The following PCIF1 variants were observed in gnomAD, a reference collection of about 807,000 sequenced individuals.
PCIF1 encodes phosphorylated CTD interacting factor 1.
Under a neutral mutation model 86.9 loss-of-function variants are expected in PCIF1, and 12 were observed. The observed-to-expected ratio is 0.14, with a 90% CI of 0.09 to 0.22. The LOEUF is 0.22. Ranked by LOEUF, PCIF1 falls within the 10% of genes least tolerant of loss-of-function variation. The pLI, the probability that PCIF1 is intolerant of heterozygous loss-of-function variation, is 1.00. For synonymous variants in PCIF1, 397 were observed against 372.0 expected (o/e 1.07, Z -0.77); for missense variants, 701 against 951.1 (o/e 0.74, Z 3.46).
intron 1 of PCIF1, among the ~76,000 whole-genome samples, chr20:45,936,549 G>A (rs1269758214): frequency 1.3e-5 from 2 of 151,668 alleles, no homozygotes; most frequent in Non-Finnish European, 2.9e-5. Context: ...ACAGTGGCAT[G>A]ATCATACTTC....
rs751214275 is a variant in PCIF1, at chr20:45,943,451, A to G, written c.905+28A>G. On this transcript the variant is annotated intron_variant, in intron 9 of 16. Transcript: ENST00000372409. This position sits in a 1 kb window ranked among gnomAD's most constrained non-coding sequence, Gnocchi z 5.5. ...TTGCCTGTCTTCTGCCCCAGGCGAG[A>G]TGGGTCTGTGATTAAAGTGGCAGGT... 1 of 1,600,282 alleles carries G rather than the reference A, an allele frequency of 6.2e-7. No individual in the cohort carries two copies. Among genetic ancestry groups the G allele is most frequent in the Non-Finnish European group, 8.5e-7 (1 of 1,171,084 alleles).
Position 45,947,134 on chromosome 20 carries a change from G to C in PCIF1, c.1675G>C (p.Glu559Gln). 1.9e-6 allele frequency: 3 copies of C among 1,613,558 alleles called. No homozygotes were observed. The highest frequency in any genetic ancestry group is 2.5e-6 in the Non-Finnish European group (3 of 1,179,574). Residue 559 changes from glutamate (E) to glutamine (Q), a missense_variant, in exon 15 of 17, where the codon GAG (glutamate) becomes CAG (glutamine). Coordinates refer to ENST00000372409, the MANE Select transcript of PCIF1 (RefSeq NM_022104.4). The surrounding 1 kb of genome is among the most constrained non-coding windows in gnomAD (Gnocchi z 5.4). The stretch of plus-strand genomic sequence containing the variant: ...TGAGGCCAACCCTCCCTTCTGCGAG[G>C]AGCTCATGGATGCCATGGTCTCTCA... Reference protein sequence around the residue: ...SFEANPPFCEELMDAMVSHFE... With the variant: ...SFEANPPFCEQLMDAMVSHFE...
rs144795164 is a variant in PCIF1, at chr20:45,940,897, C to A, written c.476C>A (p.Ser159Tyr). ...GTPTLKMWGT[S>Y]PEDKQQAALL... ...CCAACGCTGAAGATGTGGGGTACGT[C>A]CCCTGAAGATAAACAGCAGGCAGCT... Residue 159 changes from serine (S) to tyrosine (Y), a missense_variant, in exon 6 of 17, where the codon TCC (serine) becomes TAC (tyrosine). By Grantham distance (144) the Ser-to-Tyr change is moderately radical. Transcript: ENST00000372409. 20 of 1,614,166 alleles carry A rather than the reference C, an allele frequency of 1.2e-5. No individual in the cohort carries two copies. In the Admixed American group the frequency reaches 2.2e-4, roughly 17 times the overall value.
At chr20:45,939,425 T>A in intron 4 of PCIF1, 86 bp downstream of exon 4, 1 of 1,571,170 alleles carries the variant, frequency 6.4e-7, no homozygotes, top group South Asian at 1.1e-5. Context: ...AGCCGTTCAG[T>A]GCCCAGCCCT....
Position 45,947,124 on chromosome 20 carries a change from C to G in PCIF1, c.1665C>G (p.Pro555=). Residue 555 remains proline (P), a synonymous_variant, in exon 15 of 17, where the codon CCC becomes CCG. Coordinates refer to ENST00000372409, the MANE Select transcript of PCIF1 (RefSeq NM_022104.4). The surrounding 1 kb of genome is among the most constrained non-coding windows in gnomAD (Gnocchi z 5.4). ...PLSGSFEANP[P]FCEELMDAMV... Reference sequence around the variant, plus strand: ...GTGGTTCATTTGAGGCCAACCCTCCCTTCTGCGAGGAGCTCATGGATGCCA... The same window carrying G: ...GTGGTTCATTTGAGGCCAACCCTCCGTTCTGCGAGGAGCTCATGGATGCCA... 1.2e-6 allele frequency: 2 copies of G among 1,613,742 alleles called. No individual in the cohort carries two copies. Among genetic ancestry groups the G allele is most frequent in the Non-Finnish European group, 1.7e-6 (2 of 1,179,680 alleles).
chr20:45,944,452 C>G (rs2083503143), intron 10 of PCIF1, among the ~76,000 whole-genome samples: 2 of 152,222 alleles, frequency 1.3e-5, no homozygotes, highest in Non-Finnish European at 2.9e-5. Context: ...CTGCAGCAAC[C>G]AAGCACCCTG....
chr20:45,943,811 C>T lies in PCIF1; in HGVS notation c.1005+46C>T, dbSNP rs1437528959. ...GAAGGCCAGTTTTAGGGCTCTGTGG[C>T]CACTTCCTCCAGGAAGCCTACTCTG... On this transcript the variant is annotated intron_variant, in intron 10 of 16. Coordinates refer to ENST00000372409, the MANE Select transcript of PCIF1 (RefSeq NM_022104.4). This position sits in a 1 kb window ranked among gnomAD's most constrained non-coding sequence, Gnocchi z 5.5. 1.4e-6 allele frequency: 2 copies of T among 1,478,808 alleles called. No homozygotes were observed. Among genetic ancestry groups the T allele is most frequent in the Admixed American group, 4.0e-5 (2 of 50,470 alleles). 91.6% of individuals were successfully genotyped at this position (1,478,808 alleles called of 1,614,324 possible).
rs757251818 is a variant in PCIF1, at chr20:45,947,277, C to T, written c.1722C>T (p.Ser574=). The T allele has an allele frequency of 7.4e-6, 12 of 1,612,350 alleles. No homozygotes were observed. The East Asian group carries it at 2.5e-4, about 33-fold the overall frequency. ...MVSHFERLLE[S]SPEPLSFIVF... ...CCCTTCCACAGAGACTGCTTGAGAG[C>T]TCACCGGAGCCCCTGTCCTTCATCG... The change falls in exon 16 of 17, where the codon AGC becomes AGT. Residue 574 remains serine (S), a synonymous_variant. Transcript: ENST00000372409. The surrounding 1 kb of genome is among the most constrained non-coding windows in gnomAD (Gnocchi z 5.4).
chr20:45,944,674 T>G (rs1248601205), intron 10 of PCIF1, among the ~76,000 whole-genome samples, 194 bp from the exon 11 acceptor site: 1 of 152,252 alleles, frequency 6.6e-6, no homozygotes, highest in African/African-American at 2.4e-5. Context: ...CTGTTAGGTA[T>G]CTCGTGTCCC....
In PCIF1 at chr20:45,945,627, T is replaced by A. The variant is rs2083517148; in HGVS notation, c.1169-84T>A. On this transcript the variant is annotated intron_variant, in intron 11 of 16. Transcript: ENST00000372409. ...ACTGATCTGTGGAATGGGACTTCCC[T>A]CTCTCGGTACAAAGCATGTGGCCCA... The A allele has an allele frequency of 3.3e-6, 5 of 1,499,750 alleles. No homozygotes were observed. The Admixed American group carries it at 9.5e-5, about 28-fold the overall frequency. 92.9% of individuals were successfully genotyped at this position (1,499,750 alleles called of 1,614,324 possible).
chr20:45,943,559 A>G lies in PCIF1; in HGVS notation c.906-107A>G. 2 of 1,354,906 alleles carry G rather than the reference A, an allele frequency of 1.5e-6. No homozygotes were observed. The highest frequency in any genetic ancestry group is 1.4e-5 in the African/African-American group (1 of 69,118). The allele number at this position is 1,354,906 out of a possible 1,614,324, so 83.9% of individuals were successfully genotyped here. ...GGGGCCAGCTCCCAAAGGCAGAACA[A>G]GGGCTGTGATGGAAGCTAGGGGTTG... On this transcript the variant is annotated intron_variant, in intron 9 of 16. Transcript: ENST00000372409. This position sits in a 1 kb window ranked among gnomAD's most constrained non-coding sequence, Gnocchi z 5.5.
chr20:45,935,546 G>A (rs1256283316), intron 1 of PCIF1, among the ~76,000 whole-genome samples: 5 of 152,182 alleles, frequency 3.3e-5, no homozygotes, highest in Admixed American at 2.0e-4. Context: ...AGTGATTCCG[G>A]TTTATAAGCC....
Position 45,940,607 on chromosome 20 carries a change from C to G in PCIF1, c.382C>G (p.Pro128Ala), listed in dbSNP as rs1339529960. ...EQPSGNGVKK[P>A]KIEIPVTPTG... The stretch of plus-strand genomic sequence containing the variant: ...GCCAAGCGGCAATGGTGTGAAGAAG[C>G]CCAAGGTGAGTGTCTGTGGCCAGGA... Residue 128 changes from proline (P) to alanine (A), a missense_variant, in exon 5 of 17, where the codon CCC (proline) becomes GCC (alanine). By Grantham distance (27) the Pro-to-Ala change is conservative (BLOSUM62 -1). Around this residue, in one of 7 missense-constraint regions of PCIF1, gnomAD observed 125 missense variants for 126.8 expected, o/e 0.99. Coordinates refer to ENST00000372409, the MANE Select transcript of PCIF1 (RefSeq NM_022104.4). The G allele has an allele frequency of 1.9e-6, 3 of 1,611,168 alleles. No homozygotes were observed. Among genetic ancestry groups the G allele is most frequent in the Non-Finnish European group, 2.5e-6 (3 of 1,178,456 alleles).
intron 5 of PCIF1, 56 bp from the exon 6 acceptor site, chr20:45,940,753 G>A: frequency 6.2e-7 from 1 of 1,600,710 alleles, no homozygotes; most frequent in Non-Finnish European, 8.5e-7. Flanking sequence ...CACTGTATTG[G>A]ATGGAGCCTC....
rs1391834561 is a variant in PCIF1, at chr20:45,946,337, G to A, written c.1566G>A (p.Gln522=). ...CACCCCTCAACTGCTACTTCCGCCA[G>A]TACTGTTCTGCCTTCCCCGACACAG... The part of the protein sequence containing the change: ...FASPLNCYFR[Q]YCSAFPDTDG... The change falls in exon 14 of 17, where the codon CAG becomes CAA. Residue 522 remains glutamine (Q), a synonymous_variant. Coordinates refer to ENST00000372409, the MANE Select transcript of PCIF1 (RefSeq NM_022104.4). 1 of 1,614,058 alleles carries A rather than the reference G, an allele frequency of 6.2e-7. No individual in the cohort carries two copies.
In PCIF1 at chr20:45,940,921, C is replaced by T; in HGVS notation, c.500C>T (p.Ala167Val). ...TCCCCTGAAGATAAACAGCAGGCAG[C>T]TCTCCTACGACCCACTGAGTGAGTC... ...GTSPEDKQQA[A>V]LLRPTEVYWD... is the part of the protein sequence containing the mutation. The change falls in exon 6 of 17, where the codon GCT becomes GTT. Residue 167 changes from alanine (A) to valine (V), a missense_variant. Physicochemically the swap from Ala to Val is moderately conservative, Grantham distance 64 (BLOSUM62 0). Transcript: ENST00000372409. 6.2e-7 allele frequency: 1 copy of T among 1,614,166 alleles called. No homozygotes were observed. Among genetic ancestry groups the T allele is most frequent in the East Asian group, 2.2e-5 (1 of 44,888 alleles).
At chr20:45,946,512 A>G (rs1296806705) in intron 14 of PCIF1, 128 bp downstream of exon 14, 5 of 1,147,850 alleles carry the variant, frequency 4.4e-6, no homozygotes, top group African/African-American at 1.5e-5. Flanking sequence ...CTTACCGGCT[A>G]TGTGACCTTG....
intron 1 of PCIF1, 80 bp downstream of exon 1, chr20:45,934,884 T>C: frequency 2.5e-6 from 1 of 397,488 alleles, no homozygotes; most frequent in Non-Finnish European, 4.4e-6. Context: ...CGGCGGCCCC[T>C]CCGGCGCTTT....
rs1392802677 is a variant in PCIF1 at position 45,943,498 on chromosome 20, T to G, written c.905+75T>G. 4.1e-6 allele frequency: 6 copies of G among 1,462,590 alleles called. No individual in the cohort carries two copies. The highest frequency in any genetic ancestry group is 1.2e-5 in the South Asian group (1 of 86,216). The allele number at this position is 1,462,590 out of a possible 1,614,324, so 90.6% of individuals were successfully genotyped here. ...AGGTCATAGGCCATCTTGCCCAGTC[T>G]CATGCAGGGCTGTCATTGCTCTCGG... On this transcript the variant is annotated intron_variant, in intron 9 of 16. Coordinates refer to ENST00000372409, the MANE Select transcript of PCIF1 (RefSeq NM_022104.4). This position sits in a 1 kb window ranked among gnomAD's most constrained non-coding sequence, Gnocchi z 5.5.
Sources: allele counts gnomAD v4.1 joint callset (sites outside exome capture counted in the v4.1 genomes callset), GRCh38; gene constraint gnomAD v4.1.1; regional missense constraint gnomAD v4.1.1; non-coding constraint Gnocchi (gnomAD v3.1); transcripts MANE v1.5; gene names NCBI Gene and HGNC (gene_info 2026-07-23, HGNC 2026-07-21).